ADK: variants seen among roughly 807,000 people sequenced by gnomAD.
ADK encodes N6,N6-dimethyladenosine kinase.
In ADK, 24 loss-of-function variants were observed where a neutral mutation model predicts 44.7. The ratio of observed to expected loss-of-function variants is 0.54; its 90% CI spans 0.39 to 0.76. The LOEUF (loss-of-function observed/expected upper bound fraction) is 0.76, where lower values mean the gene tolerates loss of function less well. Ranked by LOEUF, ADK falls within the 30% of genes least tolerant of loss-of-function variation. The pLI is 0.00. For synonymous variants in ADK, 128 were observed against 142.6 expected (o/e 0.90, Z 0.73); for missense variants, 321 against 425.1 (o/e 0.76, Z 2.15).
intron 9 of ADK, among the ~76,000 whole-genome samples, chr10:74,622,648 T>C (rs538031476): frequency 1.2e-4 from 18 of 152,142 alleles, no homozygotes; most frequent in Non-Finnish European, 2.5e-4. Flanking sequence ...ATACCGCACT[T>C]TGGGAACTGC....
At chr10:74,318,653 A>C (rs1220739910) in intron 4 of ADK, among the ~76,000 whole-genome samples, 1 of 152,236 alleles carries the variant, frequency 6.6e-6, no homozygotes, top group Non-Finnish European at 1.5e-5. Context: ...AAGAAATTTA[A>C]GTTAGGATGA....
At chr10:74,653,013 A>G (rs1218421982) in intron 9 of ADK, among the ~76,000 whole-genome samples, 1 of 152,168 alleles carries the variant, frequency 6.6e-6, no homozygotes, top group Non-Finnish European at 1.5e-5. Context: ...CGTCACTATT[A>G]TTGACGGACT....
At chr10:74,334,944 C>G (rs1323925506) in intron 4 of ADK, among the ~76,000 whole-genome samples, 2 of 152,150 alleles carry the variant, frequency 1.3e-5, no homozygotes, top group Non-Finnish European at 2.9e-5. Flanking sequence ...GTGTCTCTGT[C>G]AAGACTTTAT....
At chr10:74,428,955 A>G (rs1035935142) in intron 6 of ADK, among the ~76,000 whole-genome samples, 9 of 152,218 alleles carry the variant, frequency 5.9e-5, no homozygotes, top group African/African-American at 1.9e-4. Context: ...TCTCAACTCA[A>G]TCACAAGAGA....
chr10:74,514,455 T>C (rs1848481620), intron 6 of ADK, among the ~76,000 whole-genome samples: 1 of 152,118 alleles, frequency 6.6e-6, no homozygotes, highest in Non-Finnish European at 1.5e-5. Flanking sequence ...TTCTCTTTTT[T>C]TTTTTAAAGT....
chr10:74,188,859 G>A (rs1189469475), intron 1 of ADK, among the ~76,000 whole-genome samples: 1 of 151,884 alleles, frequency 6.6e-6, no homozygotes, highest in Non-Finnish European at 1.5e-5. Flanking sequence ...TGCAACCTTC[G>A]CCTCCCAGGT....
chr10:74,347,106 CAA>C (rs58074760), intron 4 of ADK, among the ~76,000 whole-genome samples: 7 of 92,344 alleles, frequency 7.6e-5, no homozygotes, highest in African/African-American at 4.1e-4. Context: ...CACTCTGTCT[CAA>C]AAAAAAAAAA....
At chr10:74,565,672 A>G (rs1215897478) in intron 7 of ADK, among the ~76,000 whole-genome samples, 1 of 145,336 alleles carries the variant, frequency 6.9e-6, no homozygotes, top group East Asian at 2.2e-4. Flanking sequence ...GGTTGCAGTG[A>G]GCCGAGATCA....
chr10:74,645,020 T>A (rs916665607), intron 9 of ADK, among the ~76,000 whole-genome samples: 5 of 152,244 alleles, frequency 3.3e-5, no homozygotes, highest in Non-Finnish European at 7.3e-5. Flanking sequence ...AGCAGCCCAC[T>A]GTGTTTCACT....
At chr10:74,691,540 G>T (rs1282170043) in intron 10 of ADK, among the ~76,000 whole-genome samples, 1 of 152,164 alleles carries the variant, frequency 6.6e-6, no homozygotes, top group Non-Finnish European at 1.5e-5. Context: ...GGAAATCATA[G>T]AATTATTACA....
intron 1 of ADK, among the ~76,000 whole-genome samples, chr10:74,152,811 C>CA (rs550849094): frequency 1.3e-5 from 2 of 152,176 alleles, no homozygotes; most frequent in Non-Finnish European, 2.9e-5. Flanking sequence ...CTTATACCTG[C>CA]AGTCCTGGTG....
intron 2 of ADK, among the ~76,000 whole-genome samples, chr10:74,221,894 G>A (rs910927293): frequency 8.6e-5 from 13 of 151,878 alleles, no homozygotes; most frequent in East Asian, 5.8e-4. Flanking sequence ...AGACTTAAAC[G>A]TTAGACCTAA....
intron 7 of ADK, among the ~76,000 whole-genome samples, chr10:74,578,116 G>A (rs1851258417): frequency 6.6e-6 from 1 of 151,922 alleles, no homozygotes; most frequent in Non-Finnish European, 1.5e-5. Flanking sequence ...ATATATAAAA[G>A]GACATTGGTT....
intron 6 of ADK, among the ~76,000 whole-genome samples, chr10:74,479,420 T>C (rs1346868104): frequency 4.0e-5 from 6 of 151,322 alleles, no homozygotes; most frequent in African/African-American, 1.5e-4. Context: ...TCATTTTTTT[T>C]CTCCCTACCC....
chr10:74,443,178 A>C (rs951709316), intron 6 of ADK, among the ~76,000 whole-genome samples: 8 of 152,170 alleles, frequency 5.3e-5, no homozygotes, highest in South Asian at 2.1e-4. Context: ...ACCACACACA[A>C]AAAAAGATAA....
intron 2 of ADK, among the ~76,000 whole-genome samples, chr10:74,214,567 C>T (rs566974764): frequency 6.6e-6 from 1 of 152,314 alleles, no homozygotes; most frequent in South Asian, 2.1e-4. Flanking sequence ...TTAGGCATGG[C>T]ACCTCTCTTA....
At chr10:74,247,224 G>GTTTTTTTTTTTTT (rs142274121) in intron 3 of ADK, among the ~76,000 whole-genome samples, 5 of 72,004 alleles carry the variant, frequency 6.9e-5, no homozygotes, top group Non-Finnish European at 1.2e-4. Flanking sequence ...TTTTTTTTAA[G>GTTTTTTTTTTTTT]TTTTTTTTTT....
chr10:74,290,774 C>A (rs1283449341), intron 3 of ADK, among the ~76,000 whole-genome samples: 6 of 152,128 alleles, frequency 3.9e-5, no homozygotes, highest in Non-Finnish European at 8.8e-5. Flanking sequence ...CTTCCCCATG[C>A]TTGCTAATTA....
At chr10:74,375,246 A>G (rs1842782035) in intron 4 of ADK, among the ~76,000 whole-genome samples, 1 of 152,184 alleles carries the variant, frequency 6.6e-6, no homozygotes. Context: ...TTAAAAAATG[A>G]TGCATTACCA....
Sources: allele counts gnomAD v4.1 joint callset (sites outside exome capture counted in the v4.1 genomes callset), GRCh38; gene constraint gnomAD v4.1.1; transcripts MANE v1.5; gene names NCBI Gene and HGNC (gene_info 2026-07-23, HGNC 2026-07-21).